Variants in USB1 observed in about 807,000 individuals in gnomAD.
The protein encoded by USB1 is U6 snRNA phosphodiesterase 1.
Under a neutral mutation model 29.9 loss-of-function variants are expected in USB1, and 21 were observed. The observed-to-expected ratio is 0.70, with a 90% CI of 0.50 to 1.01. USB1 has a LOEUF of 1.01. Ranked by LOEUF, USB1 falls within the 50% of genes least tolerant of loss-of-function variation. The probability of loss-of-function intolerance (pLI) is 0.00; values close to 1 mark genes in which losing one functional copy is unlikely to be tolerated. For missense variants in USB1, 330 were observed against 347.1 expected, an observed-to-expected ratio of 0.95 and a Z score of 0.39; for synonymous variants, 143 against 134.9, an observed-to-expected ratio of 1.06 and a Z score of -0.42.
At chr16:58,004,472 G>A (rs987844877) in intron 2 of USB1, among the ~76,000 whole-genome samples, 2 of 151,984 alleles carry the variant, frequency 1.3e-5, no homozygotes, top group Non-Finnish European at 2.9e-5. Flanking sequence ...TAGAGATAGG[G>A]TCTCACTATA....
At position 58,006,722 on chromosome 16, in the gene USB1, T is replaced by G. The variant is rs570850631; in HGVS notation, c.266-3207T>G. Reference sequence around the variant, plus strand: ...GCTAATCTGTATACCTTTTATTTCCTTTTCTTGCCTTATTGCATTAGCTAG... The same window carrying G: ...GCTAATCTGTATACCTTTTATTTCCGTTTCTTGCCTTATTGCATTAGCTAG... On this transcript the variant is annotated intron_variant, in intron 2 of 6. Coordinates refer to ENST00000219281, the MANE Select transcript of USB1 (RefSeq NM_024598.4). 2.0e-5 allele frequency among the ~76,000 whole-genome samples: 3 copies of G among 152,340 alleles called. No individual in the cohort carries two copies. The East Asian group carries it at 5.8e-4, about 29-fold the overall frequency.
chr16:58,004,915 G>A (rs895728427), intron 2 of USB1, among the ~76,000 whole-genome samples: 4 of 152,168 alleles, frequency 2.6e-5, no homozygotes, highest in African/African-American at 7.2e-5. Context: ...GCCAGGCTGC[G>A]CTGATATTTA....
At chr16:58,002,201 A>G (rs1963230829) in intron 1 of USB1, among the ~76,000 whole-genome samples, 1 of 152,116 alleles carries the variant, frequency 6.6e-6, no homozygotes, top group African/African-American at 2.4e-5. Flanking sequence ...AGAAAGTGCT[A>G]CTCCAGCTGC....
At chr16:58,009,904 C>T (rs201452864) in intron 2 of USB1, 25 bp from the exon 3 acceptor site, 32 of 1,613,956 alleles carry the variant, frequency 2.0e-5, no homozygotes, top group East Asian at 8.9e-5. Context: ...GAGAACGGCC[C>T]GCCCTCTTTA....
chr16:58,003,893 C>G (rs947600803), intron 2 of USB1, among the ~76,000 whole-genome samples: 1 of 152,056 alleles, frequency 6.6e-6, no homozygotes, highest in Non-Finnish European at 1.5e-5. Flanking sequence ...CCCAGCCAGT[C>G]GCTTGTCTTT....
intron 5 of USB1, among the ~76,000 whole-genome samples, chr16:58,018,597 G>A (rs9922547): frequency 0.017 from 2,531 of 152,156 alleles, 81 homozygotes; most frequent in African/African-American, 0.057. Flanking sequence ...GGCAGGGGTT[G>A]GGGGCTACAG....
At chr16:58,001,309 A>G (rs1567415279), upstream of USB1, 4 of 739,974 alleles carry the variant, frequency 5.4e-6, no homozygotes, top group Non-Finnish European at 6.9e-6. Flanking sequence ...GACAGCTTGG[A>G]GTCGGTGGGC....
chr16:58,002,659 G>T lies in USB1; in HGVS notation c.265+14G>T. On this transcript the variant is annotated intron_variant, in intron 2 of 6. Transcript: ENST00000219281. Reference sequence around the variant, plus strand: ...TCTATGTACCATGTGAGTGATGTGTGAAAGGCAAGTTGCCAAGACCCATAG... The same window carrying T: ...TCTATGTACCATGTGAGTGATGTGTTAAAGGCAAGTTGCCAAGACCCATAG... 1 of 1,613,664 alleles carries T rather than the reference G, an allele frequency of 6.2e-7. No homozygotes were observed. Among genetic ancestry groups the T allele is most frequent in the Non-Finnish European group, 8.5e-7 (1 of 1,179,930 alleles).
chr16:58,018,507 A>G (rs1963669634), intron 5 of USB1, among the ~76,000 whole-genome samples: 1 of 152,058 alleles, frequency 6.6e-6, no homozygotes, highest in African/African-American at 2.4e-5. Context: ...TACAGGTGTG[A>G]GCCACTGCAC....
At chr16:58,002,208 C>G (rs1222433108) in intron 1 of USB1, among the ~76,000 whole-genome samples, 1 of 152,210 alleles carries the variant, frequency 6.6e-6, no homozygotes, top group Non-Finnish European at 1.5e-5. Context: ...GCTACTCCAG[C>G]TGCAGCCTGT....
chr16:58,018,380 C>A (rs1421779512), intron 5 of USB1, among the ~76,000 whole-genome samples: 1 of 152,056 alleles, frequency 6.6e-6, no homozygotes, highest in African/African-American at 2.4e-5. Context: ...TACAACACCA[C>A]GCCCAGCTAA....
intron 5 of USB1, among the ~76,000 whole-genome samples, chr16:58,018,483 C>CA (rs1963668676): frequency 6.6e-6 from 1 of 152,228 alleles, no homozygotes; most frequent in African/African-American, 2.4e-5. Context: ...CTTGGCCTCT[C>CA]AAAGTGCTAG....
intron 3 of USB1, chr16:58,011,085 G>A (rs1229690363): frequency 2.1e-6 from 2 of 953,618 alleles, no homozygotes; most frequent in South Asian, 1.4e-5. Context: ...AATTCCAAAG[G>A]ATTTAGGAGC....
rs763780991 is a variant in USB1, at chr16:58,020,182, C to T, written c.735C>T (p.Arg245=). Residue 245 remains arginine, a synonymous_variant, in exon 7 of 7, where the codon CGC becomes CGT. Coordinates refer to ENST00000219281, the MANE Select transcript of USB1 (RefSeq NM_024598.4). ...TTGAAGATGCTGAGGTGCTGCTGCG[C>T]GTGCACACTGAGCAAGTCCGCTGCA... is the stretch of plus-strand genomic sequence containing the variant. ...DGFEDAEVLL[R]VHTEQVRCKS... 19 of 1,614,032 alleles carry T rather than the reference C, an allele frequency of 1.2e-5. No homozygotes were observed. Among genetic ancestry groups the T allele is most frequent in the East Asian group, 2.2e-5 (1 of 44,884 alleles).
chr16:58,018,877 C>A, intron 5 of USB1, 95 bp from the exon 6 acceptor site: 1 of 1,246,328 alleles, frequency 8.0e-7, no homozygotes, highest in Non-Finnish European at 1.2e-6. Flanking sequence ...AGGGATCCAG[C>A]AGGGATGTCA....
chr16:58,008,853 AT>A (rs1334742206), intron 2 of USB1, among the ~76,000 whole-genome samples: 2 of 151,244 alleles, frequency 1.3e-5, no homozygotes, highest in Admixed American at 6.6e-5. Flanking sequence ...TTTCATTTTT[AT>A]TTTGTTCAAA....
chr16:58,011,283 A>C, intron 3 of USB1: 10 of 1,436,878 alleles, frequency 7.0e-6, no homozygotes, highest in Non-Finnish European at 8.2e-6. Flanking sequence ...GAGCTACCTC[A>C]CTGGGGGCCT....
chr16:58,015,051 C>G (rs934197912), intron 4 of USB1: 1 of 152,072 alleles, frequency 6.6e-6, no homozygotes, highest in African/African-American at 2.4e-5. Flanking sequence ...GCACTCTATC[C>G]TGGGTGACAA....
chr16:58,011,188 T>C, intron 3 of USB1: 1 of 1,515,506 alleles, frequency 6.6e-7, no homozygotes, highest in Non-Finnish European at 8.8e-7. Context: ...GGTTTTAGGA[T>C]CTCTGTGTCA....
Sources: gnomAD v4.1 joint callset for allele counts (sites outside exome capture counted in the v4.1 genomes callset) on GRCh38, gnomAD v4.1.1 for gene constraint, MANE v1.5 for transcripts, NCBI Gene and HGNC (gene_info 2026-07-23, HGNC 2026-07-21) for gene names.